DOCK5: variants seen among roughly 807,000 people sequenced by gnomAD.
DOCK5 encodes dedicator of cytokinesis protein 5.
DOCK5 carries 142 observed loss-of-function variants against 251.8 expected under a neutral mutation model. The observed-to-expected ratio is 0.56, with a 90% CI of 0.49 to 0.65. The LOEUF (loss-of-function observed/expected upper bound fraction) is 0.65. DOCK5 is among the 30% of genes least tolerant of loss of function. DOCK5 has a pLI of 0.00. For missense variants in DOCK5, 2,111 were observed against 2,312.3 expected (o/e 0.91, Z 1.79); for synonymous variants, 842 against 835.5 (o/e 1.01, Z -0.13).
chr8:25,270,748 A>G (rs542604304), intron 3 of DOCK5: 4 of 702,992 alleles, frequency 5.7e-6, no homozygotes, highest in East Asian at 2.7e-5. Context: ...TTTCTAAAGT[A>G]TCCTATGATT....
At chr8:25,379,456 C>T (rs1801025127) in intron 38 of DOCK5, among the ~76,000 whole-genome samples, 1 of 152,166 alleles carries the variant, frequency 6.6e-6, no homozygotes, top group Non-Finnish European at 1.5e-5. Flanking sequence ...TTTTGCCCGA[C>T]CCCGCAGGCA....
At chr8:25,278,731 C>A in intron 5 of DOCK5, 66 bp downstream of exon 5, 1 of 1,459,138 alleles carries the variant, frequency 6.9e-7, no homozygotes, top group Non-Finnish European at 9.5e-7. Context: ...AGGTCCTTTG[C>A]AGGGTGTTGG....
intron 1 of DOCK5, among the ~76,000 whole-genome samples, chr8:25,193,404 A>G (rs1473847826): frequency 2.0e-5 from 3 of 146,672 alleles, no homozygotes; most frequent in Admixed American, 6.9e-5. Flanking sequence ...GCATTTAGGT[A>G]CTTAGACAGC....
intron 27 of DOCK5, among the ~76,000 whole-genome samples, chr8:25,354,304 C>T (rs1800528801): frequency 1.3e-5 from 2 of 151,996 alleles, no homozygotes; most frequent in Admixed American, 6.6e-5. Flanking sequence ...GACAATGTAC[C>T]ATTAATTGCT....
In DOCK5 at chr8:25,208,016, T is replaced by G. The variant is rs184364247; in HGVS notation, c.43+23065T>G. On this transcript the variant is annotated intron_variant, in intron 1 of 51. Coordinates refer to ENST00000276440, the MANE Select transcript of DOCK5 (RefSeq NM_024940.8). ...ATATTAGTAGGAGTGTGGAAGAAAT[T>G]GATTCCAATTCTCATGGATGACTTT... is the stretch of plus-strand genomic sequence containing the variant. Among the ~76,000 whole-genome samples, 11 of 152,288 alleles carry G rather than the reference T, an allele frequency of 7.2e-5. No individual in the cohort carries two copies. In the East Asian group the frequency reaches 1.5e-3, roughly 21 times the overall value.
chr8:25,224,030 A>G (rs1002594138), intron 1 of DOCK5, among the ~76,000 whole-genome samples: 9 of 152,224 alleles, frequency 5.9e-5, no homozygotes, highest in Non-Finnish European at 7.3e-5. Flanking sequence ...TATTTGTTGA[A>G]TGAATGAATG....
intron 26 of DOCK5, among the ~76,000 whole-genome samples, chr8:25,346,297 C>T (rs1174945763): frequency 6.6e-6 from 1 of 151,688 alleles, no homozygotes; most frequent in Non-Finnish European, 1.5e-5. Context: ...AAGACTTTGT[C>T]TCTCTAAAAA....
intron 11 of DOCK5, chr8:25,304,677 G>T: frequency 5.2e-6 from 1 of 190,950 alleles, no homozygotes; most frequent in African/African-American, 2.3e-5. Flanking sequence ...GGATGACACG[G>T]AATCACGTGG....
At chr8:25,374,351 A>G (rs1429571453) in intron 36 of DOCK5, among the ~76,000 whole-genome samples, 1 of 152,096 alleles carries the variant, frequency 6.6e-6, no homozygotes, top group Non-Finnish European at 1.5e-5. Context: ...AAAAGATACG[A>G]AAATTAGCCG....
rs187822598 is a variant in DOCK5 at position 25,304,272 on chromosome 8, A to G, written c.994A>G (p.Ile332Val). 3.1e-6 allele frequency: 5 copies of G among 1,609,526 alleles called. No individual in the cohort carries two copies. In the Admixed American group the frequency reaches 6.8e-5, roughly 22 times the overall value. ...TTTCCTAGTGATGGATATTACTGAT[A>G]TCATACATGGGAAGGTGGATGATGA... ...FGVAVMDITD[I>V]IHGKVDDEEK... Residue 332 changes from isoleucine (I) to valine (V), a missense_variant, in exon 11 of 52, where the codon ATC (isoleucine) becomes GTC (valine). Coordinates refer to ENST00000276440, the MANE Select transcript of DOCK5 (RefSeq NM_024940.8).
At chr8:25,318,153 A>G (rs1391233786) in intron 14 of DOCK5, among the ~76,000 whole-genome samples, 1 of 152,082 alleles carries the variant, frequency 6.6e-6, no homozygotes, top group African/African-American at 2.4e-5. Context: ...CAGTGGCACA[A>G]TCTCTGCCTG....
In DOCK5 at chr8:25,341,719, C is replaced by G; in HGVS notation, c.2440-20C>G. On this transcript the variant is annotated intron_variant, in intron 23 of 51. Transcript: ENST00000276440. ...TGTCTTGCCTGGCAACTGAATTTGCCTTTGGTGTTTTTCTTACAGGGGGCA... is the reference window on the plus strand; with the variant it reads ...TGTCTTGCCTGGCAACTGAATTTGCGTTTGGTGTTTTTCTTACAGGGGGCA... The G allele has an allele frequency of 6.4e-7, 1 of 1,564,920 alleles. No individual in the cohort carries two copies.
At chr8:25,232,335 G>A (rs374157892) in intron 1 of DOCK5, among the ~76,000 whole-genome samples, 3 of 152,202 alleles carry the variant, frequency 2.0e-5, no homozygotes, top group South Asian at 4.1e-4. Flanking sequence ...GCTAGGAAAC[G>A]TATTCAAGGT....
chr8:25,240,935 A>G (rs2117540513), intron 1 of DOCK5, among the ~76,000 whole-genome samples: 1 of 152,292 alleles, frequency 6.6e-6, no homozygotes, highest in East Asian at 1.9e-4. Flanking sequence ...TCTGGTGGAT[A>G]CTGGCCTTCT....
At chr8:25,316,985 C>T in intron 13 of DOCK5, 22 bp from the exon 14 acceptor site, 1 of 1,613,164 alleles carries the variant, frequency 6.2e-7, no homozygotes, top group Non-Finnish European at 8.5e-7. Flanking sequence ...GCAACACTCA[C>T]AGCATGCTTA....
intron 1 of DOCK5, among the ~76,000 whole-genome samples, chr8:25,204,303 T>C (rs1801947405): frequency 6.6e-6 from 1 of 152,196 alleles, no homozygotes; most frequent in African/African-American, 2.4e-5. Context: ...TTTTGGGGGA[T>C]AGTGCATGGA....
In DOCK5 at chr8:25,334,078, A is replaced by AT; in HGVS notation, c.2092-13dup. The stretch of plus-strand genomic sequence containing the variant: ...GGGATTGTGCAGTGCTGCTATTTCT[A>AT]TTTTTCACTTTTGGCAGGTATTTAT... On this transcript the variant is annotated splice_polypyrimidine_tract_variant and intron_variant, in intron 20 of 51. Coordinates refer to ENST00000276440, the MANE Select transcript of DOCK5 (RefSeq NM_024940.8). 6.3e-7 allele frequency: 1 copy of AT among 1,597,598 alleles called. No individual in the cohort carries two copies.
At chr8:25,368,545 A>G in intron 32 of DOCK5, 26 bp from the exon 33 acceptor site, 3 of 1,568,170 alleles carry the variant, frequency 1.9e-6, no homozygotes, top group Non-Finnish European at 1.7e-6. Flanking sequence ...ATAATTTTTT[A>G]ATATCTTCAT....
intron 13 of DOCK5, among the ~76,000 whole-genome samples, chr8:25,312,394 A>G (rs1440140791): frequency 6.6e-6 from 1 of 152,168 alleles, no homozygotes; most frequent in East Asian, 1.9e-4. Flanking sequence ...GTAAAAGAAC[A>G]TTTAGTTTTG....
Sources: gnomAD v4.1 joint callset for allele counts (sites outside exome capture counted in the v4.1 genomes callset) on GRCh38, gnomAD v4.1.1 for gene constraint, MANE v1.5 for transcripts, NCBI Gene and HGNC (gene_info 2026-07-23, HGNC 2026-07-21) for gene names.